Variants in GABRG3 observed in about 807,000 individuals in gnomAD.
GABRG3 encodes the protein gamma-aminobutyric acid receptor subunit gamma-3.
GABRG3 carries 25 observed loss-of-function variants against 48.8 expected under a neutral mutation model. The ratio of observed to expected loss-of-function variants is 0.51; its 90% CI spans 0.37 to 0.72. The LOEUF (loss-of-function observed/expected upper bound fraction) is 0.72, where lower values mean the gene tolerates loss of function less well. Among genes scored for constraint, GABRG3 ranks in the 30% least tolerant of loss-of-function variants. GABRG3 has a pLI of 0.00. For missense variants in GABRG3, 394 were observed against 577.9 expected (o/e 0.68, Z 3.26); for synonymous variants, 227 against 217.6 (o/e 1.04, Z -0.38).
At chr15:27,041,091 A>G (rs1025217097) in intron 3 of GABRG3, among the ~76,000 whole-genome samples, 3 of 152,202 alleles carry the variant, frequency 2.0e-5, no homozygotes, top group African/African-American at 7.2e-5. Flanking sequence ...AACCACTGAA[A>G]AGAGACAAAT....
chr15:27,143,207 T>G (rs1360866208), intron 3 of GABRG3, among the ~76,000 whole-genome samples: 1 of 152,176 alleles, frequency 6.6e-6, no homozygotes, highest in African/African-American at 2.4e-5. Flanking sequence ...GCCTCCCAAG[T>G]AGCTGGGACT....
intron 5 of GABRG3, among the ~76,000 whole-genome samples, chr15:27,381,715 T>C (rs989288298): frequency 6.6e-6 from 1 of 152,208 alleles, no homozygotes; most frequent in African/African-American, 2.4e-5. Context: ...TCAAGCTCCG[T>C]ATATGCCAGG....
intron 5 of GABRG3, among the ~76,000 whole-genome samples, chr15:27,431,123 A>T (rs34830763): frequency 0.24 from 36,103 of 151,808 alleles, 6,068 homozygotes; most frequent in African/African-American, 0.46. Context: ...AGCACACTAT[A>T]TTTATTAGTG....
At chr15:27,351,537 GGTGTGTGTATGGTGTTT>G (rs1366478550) in intron 5 of GABRG3, among the ~76,000 whole-genome samples, 5 of 130,752 alleles carry the variant, frequency 3.8e-5, no homozygotes, top group South Asian at 5.3e-4. Flanking sequence ...TGTGTGTGTT[GGTGTGTGTATGGTGTTT>G]GTGTGTGTAT....
At chr15:27,403,782 C>T (rs369052027) in intron 5 of GABRG3, among the ~76,000 whole-genome samples, 2 of 149,926 alleles carry the variant, frequency 1.3e-5, no homozygotes, top group East Asian at 2.0e-4. Flanking sequence ...CGTGGTAGTG[C>T]GCGCCTGTAA....
At chr15:27,318,101 G>A (rs1396294613) in intron 3 of GABRG3, among the ~76,000 whole-genome samples, 2 of 152,112 alleles carry the variant, frequency 1.3e-5, no homozygotes, top group African/African-American at 4.8e-5. Context: ...GAGTAAACCA[G>A]CCCCATTCTA....
At chr15:27,156,318 A>AG (rs1566949606) in intron 3 of GABRG3, among the ~76,000 whole-genome samples, 6 of 146,314 alleles carry the variant, frequency 4.1e-5, no homozygotes, top group South Asian at 2.2e-4. Flanking sequence ...AAAAAAAAAA[A>AG]AAAGAAAGAA....
intron 6 of GABRG3, among the ~76,000 whole-genome samples, chr15:27,498,608 G>A (rs564906210): frequency 3.3e-5 from 5 of 151,886 alleles, no homozygotes; most frequent in South Asian, 4.2e-4. Flanking sequence ...CAATTTTCCC[G>A]CCCCAGCCTC....
At position 27,380,652 on chromosome 15, in the gene GABRG3, A is replaced by G. The variant is rs191164098; in HGVS notation, c.574+51764A>G. On this transcript the variant is annotated intron_variant, in intron 5 of 9. Transcript: ENST00000615808. ...TCCCCTGTTGTCTTTGGATTTCCCT[A>G]GAGAGTTGTTCTTAATAAGGTCTGA... is the stretch of plus-strand genomic sequence containing the variant. Among the ~76,000 whole-genome samples, 491 of 151,836 alleles carry G rather than the reference A, an allele frequency of 3.2e-3. 5 individuals are homozygous for G. The highest frequency in any genetic ancestry group is 0.011 in the African/African-American group (467 of 41,416).
chr15:27,002,788 G>GGAAAGAGAGAAAGAGA (rs1233520323), intron 2 of GABRG3, among the ~76,000 whole-genome samples: 1 of 147,786 alleles, frequency 6.8e-6, no homozygotes, highest in African/African-American at 2.5e-5. Flanking sequence ...AAGGAAAGAA[G>GGAAAGAGAGAAAGAGA]GAAAGAGAGA....
At chr15:27,014,667 A>G (rs1357210900) in intron 2 of GABRG3, among the ~76,000 whole-genome samples, 1 of 152,010 alleles carries the variant, frequency 6.6e-6, no homozygotes, top group Non-Finnish European at 1.5e-5. Context: ...TAAATGTGGT[A>G]AAACTTGTTT....
At position 27,015,746 on chromosome 15, in the gene GABRG3, T is replaced by C. The variant is rs546671876; in HGVS notation, c.203-11008T>C. ...CCTTTTGATTTTCCTTTGTGTATAC[T>C]CTATAGATATTTTCTTCCTGGTTAC... On this transcript the variant is annotated intron_variant, in intron 2 of 9. Coordinates refer to ENST00000615808, the MANE Select transcript of GABRG3 (RefSeq NM_033223.5). 2.6e-5 allele frequency among the ~76,000 whole-genome samples: 4 copies of C among 152,190 alleles called. No homozygotes were observed. The East Asian group carries it at 7.7e-4, about 29-fold the overall frequency.
At chr15:27,215,042 T>G (rs1039995402) in intron 3 of GABRG3, among the ~76,000 whole-genome samples, 4 of 152,254 alleles carry the variant, frequency 2.6e-5, no homozygotes, top group African/African-American at 9.6e-5. Context: ...GATTTGTGTT[T>G]TGCATTTCTT....
chr15:27,230,736 T>C (rs1247382319), intron 3 of GABRG3, among the ~76,000 whole-genome samples: 1 of 152,208 alleles, frequency 6.6e-6, no homozygotes, highest in African/African-American at 2.4e-5. Context: ...AATGCTTCTA[T>C]TGTGATCTAC....
chr15:27,132,252 G>T (rs538439438), intron 3 of GABRG3, among the ~76,000 whole-genome samples: 174 of 152,020 alleles, frequency 1.1e-3, no homozygotes, highest in South Asian at 2.7e-3. Flanking sequence ...TCTTCTAGTA[G>T]TTTCATAGTT....
chr15:27,455,374 G>GTGAGTT (rs55764380), intron 5 of GABRG3, among the ~76,000 whole-genome samples: 94,033 of 150,972 alleles, frequency 0.62, 29,571 homozygotes, highest in East Asian at 0.96. Context: ...TGGGTGGTTC[G>GTGAGTT]TGTATGGGGT....
At chr15:27,502,729 C>T (rs1381008847) in intron 6 of GABRG3, among the ~76,000 whole-genome samples, 1 of 152,218 alleles carries the variant, frequency 6.6e-6, no homozygotes, top group Non-Finnish European at 1.5e-5. Context: ...TGGAATGGCT[C>T]ACAGAACTCA....
chr15:27,318,960 C>T (rs1893327523), intron 3 of GABRG3, among the ~76,000 whole-genome samples: 1 of 152,146 alleles, frequency 6.6e-6, no homozygotes, highest in Non-Finnish European at 1.5e-5. Context: ...GCCTAATGTA[C>T]AGCAGGGAGC....
intron 3 of GABRG3, among the ~76,000 whole-genome samples, chr15:27,145,164 ATATACAGGGAAAAAACCG>A: frequency 6.6e-6 from 1 of 152,052 alleles, no homozygotes; most frequent in Non-Finnish European, 1.5e-5. Context: ...GGAATGAACC[ATATACAGGGAAAAAACCG>A]TCAATAGAAA....
Sources: allele counts gnomAD v4.1 joint callset (sites outside exome capture counted in the v4.1 genomes callset), GRCh38; gene constraint gnomAD v4.1.1; transcripts MANE v1.5; gene names NCBI Gene and HGNC (gene_info 2026-07-23, HGNC 2026-07-21).